GUCY2F: variants seen among roughly 807,000 people sequenced by gnomAD.
The protein encoded by GUCY2F is retinal guanylyl cyclase 2.
In GUCY2F, 61 loss-of-function variants were observed where a neutral mutation model predicts 73.1. The observed-to-expected ratio is 0.83, with a 90% CI of 0.68 to 1.03. The LOEUF is 1.03. Ranked by LOEUF, GUCY2F falls within the 50% of genes least tolerant of loss-of-function variation. The probability of loss-of-function intolerance (pLI) is 0.00; values close to 1 mark genes in which losing one functional copy is unlikely to be tolerated. For missense variants in GUCY2F, 912 were observed against 854.3 expected, an observed-to-expected ratio of 1.07 and a Z score of -0.84; for synonymous variants, 331 against 307.8, an observed-to-expected ratio of 1.08 and a Z score of -0.79.
rs1404436760 is a variant in GUCY2F at position 109,392,135 on chromosome X, A to T, written c.2589-32T>A. On this transcript the variant is annotated intron_variant, in intron 13 of 19. Transcript: ENST00000218006. ...AGCAGACACAGCTATTCCTAAGATG[A>T]CACTGGTCCCCCTTCATGCCACATA... 5 of 1,073,314 alleles carry T rather than the reference A, an allele frequency of 4.7e-6. No individual in the cohort carries two copies. The South Asian group carries it at 9.0e-5, about 19-fold the overall frequency. The allele number at this position is 1,073,314 out of a possible 1,213,427, so 88.5% of individuals were successfully genotyped here. A position where few individuals can be genotyped will look rare whatever the true frequency, so the allele number is the denominator to read the frequency against.
At chrX:109,403,208 C>T (rs1274974536) in intron 10 of GUCY2F, among the ~76,000 whole-genome samples, 1 of 111,015 alleles carries the variant, frequency 9.0e-6, no homozygotes, top group African/African-American at 3.3e-5. Context: ...TCTATCTGCT[C>T]CTTCTTCCCT....
At chrX:109,426,542 C>T (rs1931491991) in intron 8 of GUCY2F, among the ~76,000 whole-genome samples, 1 of 111,787 alleles carries the variant, frequency 8.9e-6, no homozygotes, top group African/African-American at 3.3e-5. Flanking sequence ...GCACCGGCCA[C>T]CACGCCTGGC....
chrX:109,439,528 C>T (rs943963680), intron 7 of GUCY2F, among the ~76,000 whole-genome samples: 1 of 108,264 alleles, frequency 9.2e-6, no homozygotes, highest in Non-Finnish European at 1.9e-5. Context: ...CTGTATGTTC[C>T]GATTCCCTTG....
chrX:109,387,379 TG>T (rs772404461), intron 15 of GUCY2F, among the ~76,000 whole-genome samples: 186 of 111,927 alleles, frequency 1.7e-3, no homozygotes, highest in Non-Finnish European at 2.8e-3. Context: ...GCAGGAAGTT[TG>T]TATGGGTAAA....
intron 19 of GUCY2F, among the ~76,000 whole-genome samples, chrX:109,375,600 G>A (rs1400141062): frequency 8.9e-6 from 1 of 112,167 alleles, no homozygotes; most frequent in African/African-American, 3.2e-5. Context: ...AGAGACAGGT[G>A]TACCTGCCTG....
chrX:109,412,774 C>T (rs902692478), intron 8 of GUCY2F, among the ~76,000 whole-genome samples: 6 of 111,922 alleles, frequency 5.4e-5, no homozygotes, highest in African/African-American at 1.9e-4. Flanking sequence ...CCGATATATG[C>T]CCCTTCCTCT....
At chrX:109,468,755 G>A (rs1932518415) in intron 2 of GUCY2F, among the ~76,000 whole-genome samples, 1 of 111,724 alleles carries the variant, frequency 9.0e-6, no homozygotes. Flanking sequence ...AATAATCACA[G>A]GCTCCTCTAT....
intron 3 of GUCY2F, among the ~76,000 whole-genome samples, chrX:109,461,898 C>T (rs1306895873): frequency 8.9e-6 from 1 of 112,207 alleles, no homozygotes; most frequent in Non-Finnish European, 1.9e-5. Context: ...GACCTGTTGA[C>T]CAAATAGGGA....
intron 1 of GUCY2F, among the ~76,000 whole-genome samples, chrX:109,479,492 T>C (rs959295051): frequency 8.9e-6 from 1 of 111,878 alleles, no homozygotes; most frequent in African/African-American, 3.3e-5. Context: ...CCCCTTTAGC[T>C]GGACTAGCAG....
chrX:109,426,555 A>C (rs1603382397), intron 8 of GUCY2F, among the ~76,000 whole-genome samples: 1 of 110,922 alleles, frequency 9.0e-6, no homozygotes, highest in East Asian at 2.8e-4. Context: ...CGCCTGGCTA[A>C]TTTTTTTGTA....
At chrX:109,394,767 G>A (rs580551) in intron 12 of GUCY2F, among the ~76,000 whole-genome samples, 24,199 of 111,398 alleles carry the variant, frequency 0.22, 2,421 homozygotes, top group East Asian at 0.64. Flanking sequence ...ATCTTAAGGA[G>A]GAAGGTTATC....
chrX:109,385,328 C>A, intron 15 of GUCY2F, 46 bp from the exon 16 acceptor site: 2 of 642,750 alleles, frequency 3.1e-6, no homozygotes, highest in Non-Finnish European at 5.0e-6. Context: ...AGGTATGCAC[C>A]CAATGCTAAT....
At position 109,442,235 on chromosome X, in the gene GUCY2F, A is replaced by G. The variant is rs773922161; in HGVS notation, c.1570-753T>C. 1.6e-3 allele frequency among the ~76,000 whole-genome samples: 177 copies of G among 111,844 alleles called. 2 individuals are homozygous for G. Among genetic ancestry groups the G allele is most frequent in the African/African-American group, 5.6e-3 (174 of 30,827 alleles). On this transcript the variant is annotated intron_variant, in intron 6 of 19. Transcript: ENST00000218006. ...TTAAAATTGAACCTCTGTATCTTCAATTGAACCAGTAGACTTATTTCACAT... is the reference window on the plus strand; with the variant it reads ...TTAAAATTGAACCTCTGTATCTTCAGTTGAACCAGTAGACTTATTTCACAT...
chrX:109,381,910 C>G (rs923217638), intron 17 of GUCY2F, among the ~76,000 whole-genome samples: 2 of 112,557 alleles, frequency 1.8e-5, no homozygotes, highest in Non-Finnish European at 3.8e-5. Context: ...AATCTCAATA[C>G]TCCTCCCCAC....
intron 8 of GUCY2F, among the ~76,000 whole-genome samples, chrX:109,415,322 T>A (rs915446114): frequency 6.2e-5 from 7 of 112,135 alleles, no homozygotes. Context: ...AGAAGACTGG[T>A]ATCACAATTA....
chrX:109,395,741 T>C (rs1388848401), intron 11 of GUCY2F, among the ~76,000 whole-genome samples: 2 of 111,897 alleles, frequency 1.8e-5, no homozygotes, highest in Non-Finnish European at 3.8e-5. Context: ...ATTCTGCTTC[T>C]GCTAGGTTTT....
chrX:109,451,516 A>G (rs73639126), intron 5 of GUCY2F, among the ~76,000 whole-genome samples: 5,216 of 111,605 alleles, frequency 0.047, 317 homozygotes, highest in African/African-American at 0.16. Flanking sequence ...TATGAGTCAC[A>G]TATCGTTCTA....
chrX:109,455,862 A>G (rs1161420748), intron 3 of GUCY2F, among the ~76,000 whole-genome samples: 5 of 112,114 alleles, frequency 4.5e-5, no homozygotes, highest in African/African-American at 1.6e-4. Context: ...CTTGGATGTT[A>G]AAAATCAACA....
intron 3 of GUCY2F, among the ~76,000 whole-genome samples, chrX:109,464,156 C>G (rs1157572263): frequency 1.8e-5 from 2 of 111,749 alleles, no homozygotes; most frequent in Non-Finnish European, 1.9e-5. Context: ...AAACGTCCCT[C>G]TGTATTTTTT....
Sources: allele counts gnomAD v4.1 joint callset (sites outside exome capture counted in the v4.1 genomes callset), GRCh38; gene constraint gnomAD v4.1.1; transcripts MANE v1.5; gene names NCBI Gene and HGNC (gene_info 2026-07-23, HGNC 2026-07-21).